Variants in EFCAB10 observed in about 807,000 individuals in gnomAD.
EFCAB10 encodes EF-hand calcium binding domain 10.
Under a neutral mutation model 7.7 loss-of-function variants are expected in EFCAB10, and 7 were observed. That is an observed-to-expected ratio of 0.91 (90% CI 0.52 to 1.72). The LOEUF (loss-of-function observed/expected upper bound fraction) is 1.72, where lower values mean the gene tolerates loss of function less well. Among genes scored for constraint, EFCAB10 ranks in the 40% most tolerant of loss-of-function variants. EFCAB10 has a pLI of 0.00. For synonymous variants in EFCAB10, 52 were observed against 21.0 expected, an observed-to-expected ratio of 2.47 and a Z score of -4.03; for missense variants, 112 against 61.5, an observed-to-expected ratio of 1.82 and a Z score of -2.74.
rs1261578983 is a variant in EFCAB10 at position 105,581,415 on chromosome 7, G to T, written c.49C>A (p.His17Asn). 1.4e-6 allele frequency: 1 copy of T among 703,018 alleles called. No individual in the cohort carries two copies. The highest frequency in any genetic ancestry group is 2.7e-5 in the East Asian group (1 of 37,304). 43.5% of individuals were successfully genotyped at this position (703,018 alleles called of 1,614,324 possible). The change falls in exon 1 of 5, where the codon CAT (histidine) becomes AAT (asparagine). Residue 17 changes from histidine to asparagine, a missense_variant. Coordinates refer to ENST00000480514, the MANE Select transcript of EFCAB10 (RefSeq NM_001355526.2). ...ELQAAEYLEK[H>N]QIKEVVSYLT... ...TAGCTAACCACCTCCTTGATCTGAT[G>T]CTTTTCCAAATACTCCGCGGCTTGG... is the stretch of plus-strand genomic sequence containing the variant.
intron 1 of EFCAB10, chr7:105,571,712 T>C (rs1258996577): frequency 1.3e-5 from 2 of 152,234 alleles, no homozygotes; most frequent in Admixed American, 1.3e-4. Flanking sequence ...ACCACCACAA[T>C]GCTCCTGCTC....
chr7:105,570,240 A>AAAAAAAATATATATAT (rs35907051), intron 1 of EFCAB10, among the ~76,000 whole-genome samples: 1 of 24,880 alleles, frequency 4.0e-5, no homozygotes. Flanking sequence ...AAAAAAAAAA[A>AAAAAAAATATATATAT]ATATATATAT....
intron 1 of EFCAB10, among the ~76,000 whole-genome samples, chr7:105,569,945 G>T (rs1398027716): frequency 6.6e-6 from 1 of 151,768 alleles, no homozygotes; most frequent in Non-Finnish European, 1.5e-5. Context: ...ATAATAGGCT[G>T]GGCATGGTGG....
At position 105,581,353 on chromosome 7, in the gene EFCAB10, C is replaced by A. The variant is rs1792230587; in HGVS notation, c.106+5G>T. 2.8e-6 allele frequency: 2 copies of A among 702,920 alleles called. No homozygotes were observed. Among genetic ancestry groups the A allele is most frequent in the East Asian group, 5.4e-5 (2 of 37,266 alleles). 43.5% of individuals were successfully genotyped at this position (702,920 alleles called of 1,614,324 possible). ...ATGGCTGTACCGGGGCATGGGGGCCCTTACCCGGCCGAAAGAAAAGGAGGG... is the reference window on the plus strand; with the variant it reads ...ATGGCTGTACCGGGGCATGGGGGCCATTACCCGGCCGAAAGAAAAGGAGGG... On this transcript the variant is annotated splice_donor_5th_base_variant and intron_variant, in intron 1 of 4. Coordinates refer to ENST00000480514, the MANE Select transcript of EFCAB10 (RefSeq NM_001355526.2).
In EFCAB10 at chr7:105,581,470, G is replaced by T. The variant is rs1182079296; in HGVS notation, c.-7C>A. ...CCCTGCTGCTGGTCTCCATCGCTCC[G>T]CGTCCCGCTGTTGCTAGGCGACTGC... On this transcript the variant is annotated 5_prime_UTR_variant, in exon 1 of 5. Transcript: ENST00000480514. 1 of 702,934 alleles carries T rather than the reference G, an allele frequency of 1.4e-6. No individual in the cohort carries two copies. The highest frequency in any genetic ancestry group is 2.6e-6 in the Non-Finnish European group (1 of 384,894). The allele number at this position is 702,934 out of a possible 1,614,324, so 43.5% of individuals were successfully genotyped here. A position where few individuals can be genotyped will look rare whatever the true frequency, so the allele number is the denominator to read the frequency against.
intron 1 of EFCAB10, among the ~76,000 whole-genome samples, chr7:105,574,935 A>T (rs955387186): frequency 1.9e-5 from 2 of 104,672 alleles, no homozygotes; most frequent in Non-Finnish European, 3.4e-5. Flanking sequence ...ATCCCTACTT[A>T]AAAAAAAAAA....
chr7:105,577,936 G>A (rs928697830), intron 1 of EFCAB10, among the ~76,000 whole-genome samples: 4 of 152,196 alleles, frequency 2.6e-5, no homozygotes, highest in East Asian at 3.9e-4. Context: ...GGATAATTTT[G>A]TATTTTTAGT....
At chr7:105,572,623 A>AT (rs1368081591) in intron 1 of EFCAB10, 1 of 152,222 alleles carries the variant, frequency 6.6e-6, no homozygotes, top group Non-Finnish European at 1.5e-5. Context: ...GGTTGTACTA[A>AT]TTCACAATCC....
intron 4 of EFCAB10, chr7:105,567,156 G>T: frequency 6.3e-7 from 1 of 1,586,006 alleles, no homozygotes; most frequent in Admixed American, 1.9e-5. Flanking sequence ...TTTGAACGTC[G>T]GTTCTGCACT....
intron 1 of EFCAB10, chr7:105,572,962 T>C (rs1317966975): frequency 6.6e-6 from 1 of 151,984 alleles, no homozygotes; most frequent in East Asian, 1.9e-4. Flanking sequence ...GTATCTTCTA[T>C]GGAAAAATGT....
At chr7:105,574,859 G>T (rs1792035940) in intron 1 of EFCAB10, among the ~76,000 whole-genome samples, 1 of 150,940 alleles carries the variant, frequency 6.6e-6, no homozygotes, top group African/African-American at 2.4e-5. Context: ...ACTTTGGGAG[G>T]CCAAGGAGAG....
At chr7:105,567,347 C>G in intron 4 of EFCAB10, 120 bp downstream of exon 4, 1 of 1,462,308 alleles carries the variant, frequency 6.8e-7, no homozygotes. Flanking sequence ...GTTTTTGTTT[C>G]TAAGAAAGAG....
intron 1 of EFCAB10, chr7:105,572,627 A>G (rs1791978239): frequency 6.6e-6 from 1 of 152,252 alleles, no homozygotes; most frequent in African/African-American, 2.4e-5. Context: ...GTACTAATTC[A>G]CAATCCCACC....
Position 105,565,575 on chromosome 7 carries a change from C to G in EFCAB10, c.*-128G>C, listed in dbSNP as rs774027650. On this transcript the variant is annotated intron_variant, in intron 4 of 4. Transcript: ENST00000480514. ...CAATGAAGGAGGAGCAGCCCAGCTG[C>G]AGTTTGATATGACTCGGAATCTTTT... The G allele has an allele frequency of 1.2e-6, 2 of 1,613,850 alleles. No individual in the cohort carries two copies. The highest frequency in any genetic ancestry group is 2.7e-5 in the African/African-American group (2 of 74,914).
intron 1 of EFCAB10, chr7:105,571,860 T>G (rs1184155080): frequency 6.6e-6 from 1 of 152,246 alleles, no homozygotes; most frequent in East Asian, 1.9e-4. Context: ...GCACCCATTT[T>G]TCTTTAATGA....
intron 1 of EFCAB10, among the ~76,000 whole-genome samples, chr7:105,579,150 G>A (rs141711412): frequency 2.3e-4 from 35 of 152,292 alleles, no homozygotes; most frequent in Middle Eastern, 3.4e-3. Context: ...CTCAAAGCAC[G>A]CTCTCTCAGG....
rs1052368705 is a variant in EFCAB10 at position 105,581,281 on chromosome 7, T to C, written c.106+77A>G. 3 of 673,354 alleles carry C rather than the reference T, an allele frequency of 4.5e-6. No homozygotes were observed. The East Asian group carries it at 8.1e-5, about 18-fold the overall frequency. 41.7% of individuals were successfully genotyped at this position (673,354 alleles called of 1,614,324 possible). A position where few individuals can be genotyped will look rare whatever the true frequency, so the allele number is the denominator to read the frequency against. On this transcript the variant is annotated intron_variant, in intron 1 of 4. Transcript: ENST00000480514. ...TGGCTGGGAGGCAGTGGAAAGCGAA[T>C]GTGTAAGAGGGGGGTTTCGTGTGGG...
rs2133473909 is a variant in EFCAB10, at chr7:105,565,199, C to A, written c.*248G>T. 1 of 1,334,464 alleles carries A rather than the reference C, an allele frequency of 7.5e-7. No individual in the cohort carries two copies. Among genetic ancestry groups the A allele is most frequent in the Non-Finnish European group, 1.0e-6 (1 of 977,990 alleles). The allele number at this position is 1,334,464 out of a possible 1,614,324, so 82.7% of individuals were successfully genotyped here. A position where few individuals can be genotyped will look rare whatever the true frequency, so the allele number is the denominator to read the frequency against. ...CAAAATGCCCTAGGACAGAACACTT[C>A]CTCAAATTTAAAATGATTTAAAAAC... On this transcript the variant is annotated 3_prime_UTR_variant, in exon 5 of 5. Transcript: ENST00000480514.
At chr7:105,575,498 T>C (rs1040974029) in intron 1 of EFCAB10, among the ~76,000 whole-genome samples, 1 of 152,108 alleles carries the variant, frequency 6.6e-6, no homozygotes, top group African/African-American at 2.4e-5. Context: ...CCAGCAATTA[T>C]ATTTCCCAAT....
Sources: allele counts gnomAD v4.1 joint callset (sites outside exome capture counted in the v4.1 genomes callset), GRCh38; gene constraint gnomAD v4.1.1; transcripts MANE v1.5; gene names NCBI Gene and HGNC (gene_info 2026-07-23, HGNC 2026-07-21).